The following NLRP11 variants were observed in gnomAD, a reference collection of about 807,000 sequenced individuals.
NLRP11 encodes NACHT, LRR and PYD domains-containing protein 11.
NLRP11 carries 53 observed loss-of-function variants against 79.3 expected under a neutral mutation model. The ratio of observed to expected loss-of-function variants is 0.67; its 90% confidence interval spans 0.54 to 0.84. The LOEUF (loss-of-function observed/expected upper bound fraction) is 0.84. Ranked by LOEUF, NLRP11 falls within the 40% of genes least tolerant of loss-of-function variation. The pLI is 0.00. For synonymous variants in NLRP11, 518 were observed against 462.6 expected (o/e 1.12, Z -1.54); for missense variants, 1,264 against 1,255.0 (o/e 1.01, Z -0.11).
chr19:55,805,454 G>T (rs1379350847), intron 4 of NLRP11, among the ~76,000 whole-genome samples: 1 of 151,966 alleles, frequency 6.6e-6, no homozygotes, highest in Non-Finnish European at 1.5e-5. Context: ...CCTTTACCTA[G>T]CAATTCTCCT....
At chr19:55,801,829 C>G in intron 4 of NLRP11, 90 bp from the exon 5 acceptor site, 1 of 1,051,704 alleles carries the variant, frequency 9.5e-7, no homozygotes, top group East Asian at 2.4e-5. Context: ...CATCCTGTAA[C>G]AAAGATTCTC....
chr19:55,835,739 T>G (rs1029148072), upstream of NLRP11, among the ~76,000 whole-genome samples: 4 of 149,924 alleles, frequency 2.7e-5, no homozygotes, highest in Non-Finnish European at 3.0e-5. Flanking sequence ...TTCCGGCACT[T>G]TGGGAGGCCG....
intron 3 of NLRP11, 130 bp downstream of exon 3, chr19:55,808,639 C>G (rs1038363551): frequency 2.5e-6 from 2 of 805,658 alleles, no homozygotes; most frequent in South Asian, 1.8e-5. Context: ...AGTCACTGGT[C>G]TAATTAGAAG....
At position 55,824,893 on chromosome 19, in the gene NLRP11, A is replaced by G. The variant is rs1199966142; in HGVS notation, c.-62-6657T>C. Among the ~76,000 whole-genome samples the G allele has an allele frequency of 4.7e-5, 4 of 84,430 alleles. 1 individual carries two copies. The highest frequency in any genetic ancestry group is 7.8e-5 in the Non-Finnish European group (4 of 51,388). 55.4% of individuals were successfully genotyped at this position (84,430 alleles called of 152,430 possible). A position where few individuals can be genotyped will look rare whatever the true frequency, so the allele number is the denominator to read the frequency against. ...ACAAGGATACCCAGGAATTGAACTCAGCTCTGCACCAAGCGGACCTAATAG... is the reference window on the plus strand; with the variant it reads ...ACAAGGATACCCAGGAATTGAACTCGGCTCTGCACCAAGCGGACCTAATAG... On this transcript the variant is annotated intron_variant, in intron 1 of 9. Transcript: ENST00000589093.
rs188061288 is a variant in NLRP11 at position 55,807,562 on chromosome 19, A to G, written c.2003+291T>C. 5.8e-4 allele frequency among the ~76,000 whole-genome samples: 89 copies of G among 152,264 alleles called. 1 individual carries two copies. Among genetic ancestry groups the G allele is most frequent in the Admixed American group, 3.4e-3 (52 of 15,290 alleles). On this transcript the variant is annotated intron_variant, in intron 4 of 9. Coordinates refer to ENST00000589093, the Ensembl canonical transcript of NLRP11. ...GAAGTGATACAAGAAAGAGTTTTGAAAAGACTCCATCAAGGAAGCTCCTGA... is the reference window on the plus strand; with the variant it reads ...GAAGTGATACAAGAAAGAGTTTTGAGAAGACTCCATCAAGGAAGCTCCTGA...
chr19:55,821,809 G>A (rs751449202), intron 1 of NLRP11, among the ~76,000 whole-genome samples: 65 of 152,212 alleles, frequency 4.3e-4, no homozygotes, highest in Non-Finnish European at 8.5e-4. Context: ...TGGGAGAACT[G>A]CTTTCAGGTC....
chr19:55,810,279 G>A (rs1017942789), exon 3 of NLRP11: 1 of 1,613,782 alleles, frequency 6.2e-7, no homozygotes, highest in African/African-American at 1.3e-5. Flanking sequence ...CCAAAAGTGT[G>A]ACTTTCCCAT....
At chr19:55,785,399 T>G (rs1339293872), downstream of NLRP11, 7 of 447,754 alleles carry the variant, frequency 1.6e-5, no homozygotes, top group African/African-American at 1.2e-4. Context: ...GCTTCACAGC[T>G]TTTTCCAATG....
chr19:55,809,671 A>G lies in NLRP11; in HGVS notation c.939T>C (p.Phe313=), dbSNP rs1166013625. 1.2e-6 allele frequency: 2 copies of G among 1,614,076 alleles called. No homozygotes were observed. Among genetic ancestry groups the G allele is most frequent in the Non-Finnish European group, 1.7e-6 (2 of 1,179,980 alleles). ...CTGCCGACGCCCTCTGGCGGTCTTT[A>G]AAGAAAGAGTTAAAATATATCTCCC... Residue 313 remains phenylalanine (F), a synonymous_variant, in exon 3 of 10, where the codon TTT becomes TTC. Coordinates refer to ENST00000589093, the Ensembl canonical transcript of NLRP11. This position sits in a 1 kb window ranked among gnomAD's most constrained non-coding sequence, Gnocchi z 4.5.
At chr19:55,788,814 C>T (rs753843082) in exon 9 of NLRP11, 2 of 1,583,614 alleles carry the variant, frequency 1.3e-6, no homozygotes, top group Middle Eastern at 1.7e-4. Context: ...TACCCAACTA[C>T]CTTAAGTACA....
chr19:55,821,082 A>G (rs966331356), intron 1 of NLRP11, among the ~76,000 whole-genome samples: 1 of 151,956 alleles, frequency 6.6e-6, no homozygotes, highest in African/African-American at 2.4e-5. Context: ...TCCTTCTGGG[A>G]GCCTGGAAGC....
chr19:55,835,628 G>C (rs1296295247), upstream of NLRP11, among the ~76,000 whole-genome samples: 1 of 147,756 alleles, frequency 6.8e-6, no homozygotes, highest in Non-Finnish European at 1.5e-5. Context: ...GATCACTTGA[G>C]GTCAAGGGTT....
exon 9 of NLRP11, chr19:55,788,970 C>T: frequency 6.2e-7 from 1 of 1,613,948 alleles, no homozygotes; most frequent in East Asian, 2.2e-5. Context: ...AACATGCACT[C>T]TTCTAGCCTG....
chr19:55,829,147 AAAGT>A (rs1437417682), intron 1 of NLRP11, among the ~76,000 whole-genome samples: 4 of 152,232 alleles, frequency 2.6e-5, no homozygotes, highest in East Asian at 1.9e-4. Context: ...CCTTTTGAGA[AAAGT>A]AAGTAATAAG....
chr19:55,833,765 CAAAAAAAAAAAAA>C (rs71182919), upstream of NLRP11, among the ~76,000 whole-genome samples: 239 of 23,504 alleles, frequency 0.01, 4 homozygotes, highest in African/African-American at 0.029. Flanking sequence ...GACTCCGTCT[CAAAAAAAAAAAAA>C]AAAAAAAAAA....
At position 55,811,631 on chromosome 19, in the gene NLRP11, G is replaced by A. The variant is rs187280764; in HGVS notation, c.272-1293C>T. Reference sequence around the variant, plus strand: ...CCTAGCACATCTCAACAGCCTGGCAGAGACAGGACTTTCTCCTTACTGTTT... The same window carrying A: ...CCTAGCACATCTCAACAGCCTGGCAAAGACAGGACTTTCTCCTTACTGTTT... On this transcript the variant is annotated intron_variant, in intron 2 of 9. Coordinates refer to ENST00000589093, the Ensembl canonical transcript of NLRP11. 3.1e-4 allele frequency among the ~76,000 whole-genome samples: 47 copies of A among 152,262 alleles called. 1 individual carries two copies. Among genetic ancestry groups the A allele is most frequent in the Admixed American group, 2.9e-3 (44 of 15,290 alleles).
intron 4 of NLRP11, among the ~76,000 whole-genome samples, chr19:55,803,829 C>G (rs1344487474): frequency 6.6e-6 from 1 of 152,166 alleles, no homozygotes; most frequent in African/African-American, 2.4e-5. Flanking sequence ...TGCCTGTAAT[C>G]CTAGCACTTT....
At chr19:55,795,902 C>T (rs1232175129) in intron 6 of NLRP11, among the ~76,000 whole-genome samples, 178 bp downstream of exon 6, 6 of 152,172 alleles carry the variant, frequency 3.9e-5, no homozygotes, top group Non-Finnish European at 5.9e-5. Flanking sequence ...TTTTTGCCAA[C>T]GTTTCGCAAA....
At chr19:55,827,854 G>T (rs78501727) in intron 1 of NLRP11, among the ~76,000 whole-genome samples, 48,808 of 149,658 alleles carry the variant, frequency 0.33, 8,523 homozygotes, top group African/African-American at 0.45. Flanking sequence ...GGAAGTCAGT[G>T]TGGCGATTCC....
Sources: gnomAD v4.1 joint callset for allele counts (sites outside exome capture counted in the v4.1 genomes callset) on GRCh38, gnomAD v4.1.1 for gene constraint, Gnocchi (gnomAD v3.1) non-coding constraint, MANE v1.5 for transcripts, NCBI Gene and HGNC (gene_info 2026-07-23, HGNC 2026-07-21) for gene names.